Variants in PCDHGA9 observed in about 807,000 individuals in gnomAD.
PCDHGA9 encodes protocadherin gamma subfamily A, 9.
A neutral mutation model predicts 62.5 loss-of-function variants in PCDHGA9; 37 were observed. The ratio of observed to expected loss-of-function variants is 0.59; its 90% CI spans 0.46 to 0.78. The LOEUF (loss-of-function observed/expected upper bound fraction) is 0.78, where lower values mean the gene tolerates loss of function less well. Ranked by LOEUF, PCDHGA9 falls within the 30% of genes least tolerant of loss-of-function variation. PCDHGA9 has a pLI of 0.00. For synonymous variants in PCDHGA9, 459 were observed against 484.6 expected (o/e 0.95, Z 0.69); for missense variants, 1,138 against 1,166.2 (o/e 0.98, Z 0.35).
rs192747939 is a variant in PCDHGA9 at position 141,487,483 on chromosome 5, T to A, written c.2425-7324T>A. ...TTGTTGATGTGGGAGGCCACTCTCA[T>A]GGCTGTACACCCTTGGCTTCTGCAC... On this transcript the variant is annotated intron_variant, in intron 1 of 3. Transcript: ENST00000573521. This position sits in a 1 kb window ranked among gnomAD's most constrained non-coding sequence, Gnocchi z 5.0. 1 of 1,614,224 alleles carries A rather than the reference T, an allele frequency of 6.2e-7. No individual in the cohort carries two copies. The highest frequency in any genetic ancestry group is 1.1e-5 in the South Asian group (1 of 91,084).
chr5:141,469,595 CAAAAT>C (rs919167679), intron 1 of PCDHGA9, among the ~76,000 whole-genome samples: 3 of 151,998 alleles, frequency 2.0e-5, no homozygotes, highest in Admixed American at 6.6e-5. Context: ...ATAAATAAAA[CAAAAT>C]AAGTAAAATA....
At chr5:141,452,084 C>CGG (rs1561946918) in intron 1 of PCDHGA9, among the ~76,000 whole-genome samples, 1 of 152,170 alleles carries the variant, frequency 6.6e-6, no homozygotes, top group Non-Finnish European at 1.5e-5. Context: ...TGGCATTATA[C>CGG]AGTAAGAAAG....
chr5:141,421,885 G>A (rs2096608692), intron 1 of PCDHGA9: 1 of 1,613,574 alleles, frequency 6.2e-7, no homozygotes, highest in African/African-American at 1.3e-5. Context: ...AGATGGAGGC[G>A]ATCCCATCCG....
chr5:141,415,206 G>A, intron 1 of PCDHGA9: 4 of 1,614,054 alleles, frequency 2.5e-6, no homozygotes, highest in African/African-American at 1.3e-5. Flanking sequence ...AAGTCCTGGC[G>A]GACCTCGGCA....
chr5:141,502,246 T>A (rs1449536622), intron 2 of PCDHGA9, among the ~76,000 whole-genome samples: 1 of 152,206 alleles, frequency 6.6e-6, no homozygotes, highest in African/African-American at 2.4e-5. Flanking sequence ...TTTATCCTTT[T>A]TTTTAATCCA....
chr5:141,453,559 C>T (rs2098769120), intron 1 of PCDHGA9, among the ~76,000 whole-genome samples: 1 of 152,126 alleles, frequency 6.6e-6, no homozygotes, highest in Non-Finnish European at 1.5e-5. Context: ...TGTAGATAAT[C>T]GATTTCATTA....
At chr5:141,427,700 C>A in intron 1 of PCDHGA9, 3 of 945,490 alleles carry the variant, frequency 3.2e-6, no homozygotes, top group South Asian at 2.7e-5. Flanking sequence ...TCCCACAAGT[C>A]AGCGCCTCTG....
chr5:141,490,985 C>T lies in PCDHGA9; in HGVS notation c.2425-3822C>T. On this transcript the variant is annotated intron_variant, in intron 1 of 3. Transcript: ENST00000573521. This position sits in a 1 kb window ranked among gnomAD's most constrained non-coding sequence, Gnocchi z 5.4. ...TCAGCCCCCCAGCGTCTCCCTCGCT[C>T]TGCTCCTCCTGGCTCCTTGGTCACC... The T allele has an allele frequency of 1.9e-6, 3 of 1,614,128 alleles. No individual in the cohort carries two copies. The highest frequency in any genetic ancestry group is 2.5e-6 in the Non-Finnish European group (3 of 1,180,032).
intron 1 of PCDHGA9, chr5:141,423,750 T>TG (rs144521096): frequency 0.16 from 45,934 of 282,282 alleles, 1,791 homozygotes; most frequent in African/African-American, 0.37. Context: ...GAAAACTGTT[T>TG]GGGGGGGGGG....
At chr5:141,473,450 T>A (rs2099322542) in intron 1 of PCDHGA9, among the ~76,000 whole-genome samples, 2 of 152,150 alleles carry the variant, frequency 1.3e-5, no homozygotes, top group South Asian at 4.1e-4. Flanking sequence ...AAAATAATTA[T>A]AAAATTTAAA....
rs1314264090 is a variant in PCDHGA9, at chr5:141,490,459, C to T, written c.2425-4348C>T. 7 of 1,614,100 alleles carry T rather than the reference C, an allele frequency of 4.3e-6. No homozygotes were observed. Among genetic ancestry groups the T allele is most frequent in the Non-Finnish European group, 5.9e-6 (7 of 1,180,040 alleles). ...GCCTTCTGAGAACCACTACTCGCTG[C>T]TAACCAGCCAGCCTTTGGACCGGGA... On this transcript the variant is annotated intron_variant, in intron 1 of 3. Coordinates refer to ENST00000573521, the MANE Select transcript of PCDHGA9 (RefSeq NM_018921.3). The surrounding 1 kb of genome is among the most constrained non-coding windows in gnomAD (Gnocchi z 5.4).
At chr5:141,435,575 C>T (rs1054936213) in intron 1 of PCDHGA9, among the ~76,000 whole-genome samples, 2 of 152,088 alleles carry the variant, frequency 1.3e-5, no homozygotes, top group South Asian at 2.1e-4. Context: ...AGTACTGGGG[C>T]AAATTTGCAG....
intron 1 of PCDHGA9, chr5:141,416,636 C>A (rs2096047139): frequency 6.6e-6 from 1 of 152,066 alleles, no homozygotes; most frequent in South Asian, 2.1e-4. Context: ...AATATAAACA[C>A]CAACCACAGC....
At position 141,402,857 on chromosome 5, in the gene PCDHGA9, A is replaced by G; in HGVS notation, c.-96A>G. 1.4e-6 allele frequency: 2 copies of G among 1,425,270 alleles called. No homozygotes were observed. Among genetic ancestry groups the G allele is most frequent in the Non-Finnish European group, 1.8e-6 (2 of 1,085,906 alleles). 88.3% of individuals were successfully genotyped at this position (1,425,270 alleles called of 1,614,324 possible). On this transcript the variant is annotated 5_prime_UTR_variant, in exon 1 of 4. Transcript: ENST00000573521. Reference sequence around the variant, plus strand: ...AGCAAAACTCAGCCTCTTTCTTCTAAGGAAAAGATCACCATACTTTGCAGG... The same window carrying G: ...AGCAAAACTCAGCCTCTTTCTTCTAGGGAAAAGATCACCATACTTTGCAGG...
chr5:141,503,616 A>G (rs1260134621), intron 2 of PCDHGA9, among the ~76,000 whole-genome samples: 2 of 150,944 alleles, frequency 1.3e-5, no homozygotes, highest in African/African-American at 2.4e-5. Context: ...AAAAAAAAAG[A>G]AAAAAGAAAA....
intron 1 of PCDHGA9, among the ~76,000 whole-genome samples, chr5:141,460,344 A>G (rs930557610): frequency 7.2e-5 from 11 of 152,060 alleles, no homozygotes; most frequent in African/African-American, 2.2e-4. Context: ...ATTTTCTCCT[A>G]TATTTTCTTT....
chr5:141,455,787 C>T (rs1259121501), intron 1 of PCDHGA9, among the ~76,000 whole-genome samples: 2 of 152,004 alleles, frequency 1.3e-5, no homozygotes, highest in Non-Finnish European at 2.9e-5. Flanking sequence ...GAAACTTTTC[C>T]GGAGATGCTT....
rs1229317913 is a variant in PCDHGA9 at position 141,489,752 on chromosome 5, C to T, written c.2425-5055C>T. ...GGCACCAATACTGTGAGCTTTTACACTCTAAGCCCCAACAGCCACTTCTCT... is the reference window on the plus strand; with the variant it reads ...GGCACCAATACTGTGAGCTTTTACATTCTAAGCCCCAACAGCCACTTCTCT... On this transcript the variant is annotated intron_variant, in intron 1 of 3. Transcript: ENST00000573521. The surrounding 1 kb of genome is among the most constrained non-coding windows in gnomAD (Gnocchi z 4.5). 1.2e-6 allele frequency: 2 copies of T among 1,614,018 alleles called. No individual in the cohort carries two copies. Among genetic ancestry groups the T allele is most frequent in the Non-Finnish European group, 1.7e-6 (2 of 1,179,980 alleles).
Position 141,412,258 on chromosome 5 carries a change from C to T in PCDHGA9, c.2424+6882C>T, listed in dbSNP as rs569698099. 5.8e-4 allele frequency: 88 copies of T among 152,314 alleles called. 1 individual carries two copies. The highest frequency in any genetic ancestry group is 2.0e-3 in the African/African-American group (83 of 41,568). 9.4% of individuals were successfully genotyped at this position (152,314 alleles called of 1,614,324 possible). On this transcript the variant is annotated intron_variant, in intron 1 of 3. Transcript: ENST00000573521. Reference sequence around the variant, plus strand: ...ATATCACTACATCTAACTTTGTTTTCTAAAACTTTTAGTACTTCAAATTCT... The same window carrying T: ...ATATCACTACATCTAACTTTGTTTTTTAAAACTTTTAGTACTTCAAATTCT...
Sources: allele counts gnomAD v4.1 joint callset (sites outside exome capture counted in the v4.1 genomes callset), GRCh38; gene constraint gnomAD v4.1.1; non-coding constraint Gnocchi (gnomAD v3.1); transcripts MANE v1.5; gene names NCBI Gene and HGNC (gene_info 2026-07-23, HGNC 2026-07-21).